The following PABPC4L variants were observed in gnomAD, a reference collection of about 807,000 sequenced individuals.
PABPC4L encodes polyadenylate-binding protein 4-like.
For synonymous variants in PABPC4L, 169 were observed against 164.1 expected (o/e 1.03, Z -0.23); for missense variants, 452 against 451.4 (o/e 1.00, Z -0.01).
chr4:134,121,971 C>A, the PABPC4L span, among the ~76,000 whole-genome samples: 2 of 151,746 alleles, frequency 1.3e-5, no homozygotes, highest in Non-Finnish European at 2.9e-5. Context: ...TCTTGGCTTC[C>A]ATACCCTGTC....
the PABPC4L span, among the ~76,000 whole-genome samples, chr4:134,044,263 T>A: frequency 6.6e-6 from 1 of 151,130 alleles, no homozygotes; most frequent in Non-Finnish European, 1.5e-5. Flanking sequence ...TTTACTTTTA[T>A]TATTATTATT....
rs373992035 is a variant in PABPC4L at position 134,199,956 on chromosome 4, C to T, written c.1064G>A (p.Arg355His). Reference protein sequence around the residue: ...ATKAMTEMNGRILGSKPLSIA... With the variant: ...ATKAMTEMNGHILGSKPLSIA... Reference sequence around the variant, plus strand: ...GCTAAGAGGTTTGGAGCCCAAGATGCGGCCATTCATCTCAGTCATTGCTTT... The same window carrying T: ...GCTAAGAGGTTTGGAGCCCAAGATGTGGCCATTCATCTCAGTCATTGCTTT... Residue 355 changes from arginine to histidine, a missense_variant, in exon 2 of 2, where the codon CGC becomes CAC. Transcript: ENST00000421491. 3.5e-5 allele frequency: 55 copies of T among 1,551,590 alleles called. No homozygotes were observed. In the African/African-American group the frequency reaches 5.3e-4, roughly 15 times the overall value.
the PABPC4L span, among the ~76,000 whole-genome samples, chr4:134,055,222 T>G: frequency 6.6e-6 from 1 of 152,128 alleles, no homozygotes; most frequent in Non-Finnish European, 1.5e-5. Context: ...TTGTCATGGT[T>G]TTCATATTAA....
the PABPC4L span, among the ~76,000 whole-genome samples, chr4:133,963,967 C>G: frequency 1.3e-5 from 2 of 151,834 alleles, no homozygotes; most frequent in African/African-American, 4.8e-5. Context: ...AAGGAAATAA[C>G]CAAGATCAGA....
the PABPC4L span, among the ~76,000 whole-genome samples, chr4:133,951,444 C>A: frequency 6.6e-6 from 1 of 152,060 alleles, no homozygotes; most frequent in Non-Finnish European, 1.5e-5. Context: ...TAACCTGATG[C>A]GGGGTGCTCA....
At chr4:134,133,088 A>G in the PABPC4L span, among the ~76,000 whole-genome samples, 1 of 129,322 alleles carries the variant, frequency 7.7e-6, no homozygotes, top group African/African-American at 3.0e-5. Flanking sequence ...ATATTATATA[A>G]TTATATATTA....
At chr4:134,042,870 CT>C in the PABPC4L span, among the ~76,000 whole-genome samples, 17 of 152,010 alleles carry the variant, frequency 1.1e-4, no homozygotes, top group Non-Finnish European at 2.4e-4. Flanking sequence ...ATAGTCACAT[CT>C]TTTTTTAAGG....
chr4:134,027,337 C>CAG, the PABPC4L span, among the ~76,000 whole-genome samples: 1 of 152,048 alleles, frequency 6.6e-6, no homozygotes, highest in Non-Finnish European at 1.5e-5. Flanking sequence ...GGGAGAGAGA[C>CAG]AGAGAGAGAG....
chr4:134,168,027 A>G, the PABPC4L span, among the ~76,000 whole-genome samples: 1 of 152,038 alleles, frequency 6.6e-6, no homozygotes, highest in Non-Finnish European at 1.5e-5. Context: ...CAAAGATAGT[A>G]TATGTGTTAG....
At chr4:134,003,751 T>C in the PABPC4L span, among the ~76,000 whole-genome samples, 1 of 151,898 alleles carries the variant, frequency 6.6e-6, no homozygotes, top group South Asian at 2.1e-4. Context: ...GCACACTTTA[T>C]TTCTCATGGG....
the PABPC4L span, among the ~76,000 whole-genome samples, chr4:134,154,389 G>C: frequency 6.6e-6 from 1 of 152,072 alleles, no homozygotes; most frequent in East Asian, 1.9e-4. Flanking sequence ...CCTGGAGGCA[G>C]GGGTTGCAGT....
At chr4:134,053,065 C>A in the PABPC4L span, among the ~76,000 whole-genome samples, 5 of 151,916 alleles carry the variant, frequency 3.3e-5, no homozygotes, top group Non-Finnish European at 7.4e-5. Context: ...GTATTATAGA[C>A]CTGCAAATTA....
At chr4:134,016,507 C>G in the PABPC4L span, among the ~76,000 whole-genome samples, 1 of 152,132 alleles carries the variant, frequency 6.6e-6, no homozygotes. Flanking sequence ...AAAAAAGCAG[C>G]TACCAGTCCA....
the PABPC4L span, among the ~76,000 whole-genome samples, chr4:134,085,643 G>C: frequency 6.6e-6 from 1 of 152,058 alleles, no homozygotes; most frequent in Admixed American, 6.6e-5. Context: ...TTTTGCTTTT[G>C]TTTAACTCTA....
chr4:134,165,388 A>G, the PABPC4L span, among the ~76,000 whole-genome samples: 2 of 152,180 alleles, frequency 1.3e-5, no homozygotes, highest in Non-Finnish European at 2.9e-5. Flanking sequence ...TATGCATCCA[A>G]CAAAGGTCTA....
At chr4:134,187,825 G>A in the PABPC4L span, among the ~76,000 whole-genome samples, 3 of 151,734 alleles carry the variant, frequency 2.0e-5, no homozygotes, top group Admixed American at 2.0e-4. Context: ...CTTTATATTC[G>A]AAGTGAGTTT....
At chr4:134,011,550 A>C in the PABPC4L span, among the ~76,000 whole-genome samples, 1,047 of 152,242 alleles carry the variant, frequency 6.9e-3, 8 homozygotes, top group Non-Finnish European at 8.6e-3. Context: ...CTTTATCAGA[A>C]TGTGTAGTAG....
chr4:133,975,814 G>A, the PABPC4L span, among the ~76,000 whole-genome samples: 5 of 152,036 alleles, frequency 3.3e-5, no homozygotes, highest in African/African-American at 1.2e-4. Flanking sequence ...AACATACTTG[G>A]TGGTAGAATT....
chr4:134,092,071 G>C, the PABPC4L span, among the ~76,000 whole-genome samples: 1 of 151,916 alleles, frequency 6.6e-6, no homozygotes, highest in Non-Finnish European at 1.5e-5. Flanking sequence ...GAGACTGTTT[G>C]GTGTTTGTGA....
Sources: gnomAD v4.1 joint callset for allele counts (sites outside exome capture counted in the v4.1 genomes callset) on GRCh38, gnomAD v4.1.1 for gene constraint, MANE v1.5 for transcripts, NCBI Gene and HGNC (gene_info 2026-07-23, HGNC 2026-07-21) for gene names.